The following CA10 variants were observed in gnomAD, a reference collection of about 807,000 sequenced individuals.
CA10 encodes the protein carbonic anhydrase 10 (inactive).
Under a neutral mutation model 44.2 loss-of-function variants are expected in CA10, and 14 were observed. The ratio of observed to expected loss-of-function variants is 0.32; its 90% CI spans 0.21 to 0.50. The LOEUF (loss-of-function observed/expected upper bound fraction) is 0.50. Among genes scored for constraint, CA10 ranks in the 20% least tolerant of loss-of-function variants. The pLI is 0.99. For missense variants in CA10, 350 were observed against 409.7 expected (o/e 0.85, Z 1.26); for synonymous variants, 159 against 141.6 (o/e 1.12, Z -0.87).
chr17:51,813,442 A>G (rs1225470128), intron 3 of CA10, among the ~76,000 whole-genome samples: 2 of 152,208 alleles, frequency 1.3e-5, no homozygotes, highest in Non-Finnish European at 2.9e-5. Context: ...TTACATGTGA[A>G]ATAAGAAGTG....
chr17:52,041,236 A>G (rs1012147707), intron 2 of CA10, among the ~76,000 whole-genome samples: 1 of 152,130 alleles, frequency 6.6e-6, no homozygotes, highest in Non-Finnish European at 1.5e-5. Flanking sequence ...CAAAATGGCA[A>G]GACATACAAA....
At chr17:51,884,086 TG>T (rs1341985414) in intron 3 of CA10, among the ~76,000 whole-genome samples, 1 of 152,204 alleles carries the variant, frequency 6.6e-6, no homozygotes, top group African/African-American at 2.4e-5. Context: ...CAGCAAAATT[TG>T]TTGACTCTAC....
At chr17:51,783,757 A>G (rs574858651) in intron 3 of CA10, among the ~76,000 whole-genome samples, 1 of 152,188 alleles carries the variant, frequency 6.6e-6, no homozygotes, top group Non-Finnish European at 1.5e-5. Context: ...TCTCAGATAC[A>G]AATGGCAGAA....
At chr17:52,117,052 G>A (rs1222387645) in intron 1 of CA10, among the ~76,000 whole-genome samples, 1 of 152,162 alleles carries the variant, frequency 6.6e-6, no homozygotes, top group Non-Finnish European at 1.5e-5. Flanking sequence ...CTTAAAGAGA[G>A]CTCAGCTTAA....
At chr17:52,015,350 T>C (rs1267536022) in intron 2 of CA10, among the ~76,000 whole-genome samples, 4 of 152,140 alleles carry the variant, frequency 2.6e-5, no homozygotes, top group African/African-American at 9.7e-5. Context: ...CCTCTTCAAT[T>C]GCCTTTTAGC....
chr17:51,938,936 AAAAC>A (rs1007513087), intron 2 of CA10, among the ~76,000 whole-genome samples: 53 of 152,050 alleles, frequency 3.5e-4, no homozygotes, highest in Admixed American at 2.4e-3. Flanking sequence ...TTCTTTCTTT[AAAAC>A]AAACAAAGAA....
At chr17:51,942,538 T>TTATATATATA (rs10549926) in intron 2 of CA10, among the ~76,000 whole-genome samples, 11 of 135,210 alleles carry the variant, frequency 8.1e-5, no homozygotes, top group South Asian at 5.7e-4. Context: ...CTTGCAGGCA[T>TTATATATATA]TATATATATA....
intron 3 of CA10, among the ~76,000 whole-genome samples, chr17:51,907,720 C>A (rs1054202389): frequency 6.6e-6 from 1 of 152,122 alleles, no homozygotes; most frequent in Non-Finnish European, 1.5e-5. Flanking sequence ...AATGGGGGAC[C>A]ATTTTGAAGG....
At chr17:51,915,966 T>TA (rs35032280) in intron 3 of CA10, among the ~76,000 whole-genome samples, 34,711 of 143,944 alleles carry the variant, frequency 0.24, 4,265 homozygotes, top group East Asian at 0.5. Flanking sequence ...AGATTTTGGT[T>TA]AAAAAAAAAA....
intron 3 of CA10, among the ~76,000 whole-genome samples, chr17:51,929,112 A>C (rs955166204): frequency 6.6e-6 from 1 of 152,164 alleles, no homozygotes; most frequent in Non-Finnish European, 1.5e-5. Flanking sequence ...TGTTCAAAAA[A>C]TATCTCTAAA....
At chr17:52,073,603 G>GA (rs1345798209) in intron 1 of CA10, among the ~76,000 whole-genome samples, 2 of 152,124 alleles carry the variant, frequency 1.3e-5, no homozygotes, top group Non-Finnish European at 1.5e-5. Flanking sequence ...TAAGACTCTG[G>GA]AAAAAATAAC....
At chr17:51,856,762 T>C (rs1250500189) in intron 3 of CA10, among the ~76,000 whole-genome samples, 1 of 152,162 alleles carries the variant, frequency 6.6e-6, no homozygotes, top group Non-Finnish European at 1.5e-5. Context: ...AAAGGTTATC[T>C]GGAGGTCTGA....
chr17:51,911,167 C>A (rs1230942809), intron 3 of CA10, among the ~76,000 whole-genome samples: 1 of 152,154 alleles, frequency 6.6e-6, no homozygotes, highest in African/African-American at 2.4e-5. Context: ...GTAGCTGCTG[C>A]CTCTTCACCC....
At chr17:52,123,649 T>C (rs1358211414) in intron 1 of CA10, among the ~76,000 whole-genome samples, 1 of 152,186 alleles carries the variant, frequency 6.6e-6, no homozygotes, top group Non-Finnish European at 1.5e-5. Context: ...ACATAATTCA[T>C]TAAGAAAATA....
chr17:51,728,870 T>C (rs1916615375), intron 4 of CA10, among the ~76,000 whole-genome samples: 1 of 152,152 alleles, frequency 6.6e-6, no homozygotes, highest in Admixed American at 6.5e-5. Flanking sequence ...AAATTATCAA[T>C]GAATGATCAG....
intron 3 of CA10, among the ~76,000 whole-genome samples, chr17:51,857,010 T>G (rs949087330): frequency 2.6e-5 from 4 of 152,062 alleles, no homozygotes; most frequent in African/African-American, 9.7e-5. Flanking sequence ...AACAGGGAGG[T>G]TGATCTTATC....
intron 3 of CA10, among the ~76,000 whole-genome samples, chr17:51,890,038 C>T (rs1158966230): frequency 1.3e-5 from 2 of 152,122 alleles, no homozygotes; most frequent in Non-Finnish European, 2.9e-5. Flanking sequence ...ACTTAGTTTT[C>T]TTCAGTTGAA....
intron 3 of CA10, among the ~76,000 whole-genome samples, chr17:51,831,728 A>AGCCGCC (rs1555604084): frequency 9.3e-5 from 12 of 128,670 alleles, no homozygotes; most frequent in Middle Eastern, 7.6e-3. Flanking sequence ...CAGCAGCAGC[A>AGCCGCC]GCAGAAAAAG....
intron 3 of CA10, among the ~76,000 whole-genome samples, chr17:51,828,825 G>A (rs762848632): frequency 6.6e-6 from 1 of 152,144 alleles, no homozygotes; most frequent in South Asian, 2.1e-4. Flanking sequence ...ATGTTGAGTT[G>A]CTTCATCTTT....
Sources: gnomAD v4.1 joint callset for allele counts (sites outside exome capture counted in the v4.1 genomes callset) on GRCh38, gnomAD v4.1.1 for gene constraint, MANE v1.5 for transcripts, NCBI Gene and HGNC (gene_info 2026-07-23, HGNC 2026-07-21) for gene names.